CLDN16: variants seen among roughly 807,000 people sequenced by gnomAD.
CLDN16 encodes claudin 16.
In CLDN16, 13 loss-of-function variants were observed where a neutral mutation model predicts 24.6. That is an observed-to-expected ratio of 0.53 (90% confidence interval 0.34 to 0.84). The LOEUF (loss-of-function observed/expected upper bound fraction) is 0.84. Ranked by LOEUF, CLDN16 falls within the 40% of genes least tolerant of loss-of-function variation. The pLI, the probability that CLDN16 is intolerant of heterozygous loss-of-function variation, is 0.01. For missense variants in CLDN16, 298 were observed against 292.7 expected (o/e 1.02, Z -0.13); for synonymous variants, 116 against 106.7 (o/e 1.09, Z -0.54).
chr3:190,369,492 A>C (rs1718089608), intron 1 of CLDN16, among the ~76,000 whole-genome samples: 1 of 151,980 alleles, frequency 6.6e-6, no homozygotes, highest in African/African-American at 2.4e-5. Flanking sequence ...TCATTATAGA[A>C]TAGAAAATCT....
intron 1 of CLDN16, among the ~76,000 whole-genome samples, chr3:190,341,074 G>A (rs1222613919): frequency 6.6e-6 from 1 of 152,164 alleles, no homozygotes; most frequent in Non-Finnish European, 1.5e-5. Context: ...TCATGGGCTG[G>A]CATGACATTG....
chr3:190,358,671 A>AC (rs1717825783), intron 1 of CLDN16, among the ~76,000 whole-genome samples: 1 of 151,716 alleles, frequency 6.6e-6, no homozygotes, highest in Non-Finnish European at 1.5e-5. Context: ...AAAATTAAAA[A>AC]AAACAACAAG....
intron 3 of CLDN16, among the ~76,000 whole-genome samples, chr3:190,380,494 C>T (rs988598476): frequency 4.0e-5 from 6 of 151,794 alleles, no homozygotes; most frequent in African/African-American, 1.5e-4. Context: ...GCATTTTAGG[C>T]AGAAGAAATT....
chr3:190,308,200 GGTCCTAAT>G, the CLDN16 span: 1 of 1,536,364 alleles, frequency 6.5e-7, no homozygotes, highest in African/African-American at 1.4e-5. Flanking sequence ...AAAATTCTAA[GGTCCTAAT>G]GTTAATGATA....
At chr3:190,314,562 ATTT>A in the CLDN16 span, among the ~76,000 whole-genome samples, 4 of 143,762 alleles carry the variant, frequency 2.8e-5, no homozygotes, top group East Asian at 2.0e-4. Flanking sequence ...GCCTGGCTAA[ATTT>A]TTTTTTTTTT....
chr3:190,354,230 GT>G (rs1031742891), intron 1 of CLDN16, among the ~76,000 whole-genome samples: 3 of 151,946 alleles, frequency 2.0e-5, no homozygotes, highest in African/African-American at 4.8e-5. Context: ...ACACTCAGAG[GT>G]TTCAGGAATA....
intron 2 of CLDN16, among the ~76,000 whole-genome samples, chr3:190,402,869 G>A (rs1389651722): frequency 6.6e-6 from 1 of 152,136 alleles, no homozygotes; most frequent in Non-Finnish European, 1.5e-5. Context: ...TATTTCAGTT[G>A]AAGGTTAGCT....
At chr3:190,404,134 T>C (rs140632375) in intron 2 of CLDN16, among the ~76,000 whole-genome samples, 16 of 152,240 alleles carry the variant, frequency 1.1e-4, no homozygotes, top group Middle Eastern at 3.4e-3. Flanking sequence ...ATATGTAATA[T>C]TGGCCAAGAA....
chr3:190,371,041 A>ATATATATATATATATAT, intron 2 of CLDN16: 2 of 137,672 alleles, frequency 1.5e-5, no homozygotes, highest in Non-Finnish European at 3.1e-5. Flanking sequence ...TATATATATA[A>ATATATATATATATATAT]AATATATATG....
rs752386752 is a variant in CLDN16, at chr3:190,399,885, G to C, written c.115-2452G>C. Reference sequence around the variant, plus strand: ...GTGGACAGAAGCTCCACCTTCTGTCGGATCAGCGGCAGTATTCGATTCTCA... The same window carrying C: ...GTGGACAGAAGCTCCACCTTCTGTCCGATCAGCGGCAGTATTCGATTCTCA... On this transcript the variant is annotated intron_variant, in intron 1 of 4. Coordinates refer to ENST00000264734, the MANE Select transcript of CLDN16 (RefSeq NM_006580.4). 3.9e-5 allele frequency among the ~76,000 whole-genome samples: 6 copies of C among 152,174 alleles called. No individual in the cohort carries two copies. The East Asian group carries it at 9.7e-4, about 25-fold the overall frequency.
At chr3:190,325,589 A>G (rs2108619516) in intron 1 of CLDN16, among the ~76,000 whole-genome samples, 1 of 152,310 alleles carries the variant, frequency 6.6e-6, no homozygotes, top group South Asian at 2.1e-4. Flanking sequence ...TGATCTTGAG[A>G]ACCAATAATA....
chr3:190,304,847 C>G, the CLDN16 span, among the ~76,000 whole-genome samples: 123 of 152,116 alleles, frequency 8.1e-4, no homozygotes, highest in Non-Finnish European at 1.3e-3. Context: ...TTGATCTGGG[C>G]AAATATAGAA....
At chr3:190,315,691 C>T in the CLDN16 span, among the ~76,000 whole-genome samples, 4 of 152,024 alleles carry the variant, frequency 2.6e-5, no homozygotes, top group Non-Finnish European at 5.9e-5. Flanking sequence ...GATCTTGCTC[C>T]AAGTTTTTCT....
intron 1 of CLDN16, among the ~76,000 whole-genome samples, chr3:190,330,752 G>A (rs867004208): frequency 6.6e-6 from 1 of 152,106 alleles, no homozygotes; most frequent in Non-Finnish European, 1.5e-5. Flanking sequence ...GCCTTATTGT[G>A]TCATAAGATG....
chr3:190,338,024 T>C (rs1421091871), intron 1 of CLDN16, among the ~76,000 whole-genome samples: 1 of 152,188 alleles, frequency 6.6e-6, no homozygotes, highest in African/African-American at 2.4e-5. Context: ...TTCAGAAAGA[T>C]GTACATTCAT....
At chr3:190,308,860 G>A in the CLDN16 span, among the ~76,000 whole-genome samples, 147 of 152,240 alleles carry the variant, frequency 9.7e-4, no homozygotes, top group African/African-American at 3.4e-3. Flanking sequence ...TCAGAGCTTT[G>A]AACAGATGAT....
At chr3:190,402,021 A>G (rs1718975167) in intron 1 of CLDN16, among the ~76,000 whole-genome samples, 1 of 152,148 alleles carries the variant, frequency 6.6e-6, no homozygotes, top group African/African-American at 2.4e-5. Flanking sequence ...TTCCATAACC[A>G]TAACTCAATG....
At chr3:190,312,836 G>T in the CLDN16 span, 2 of 1,609,004 alleles carry the variant, frequency 1.2e-6, no homozygotes, top group South Asian at 1.1e-5. Flanking sequence ...CCAGGAACAG[G>T]TTAGTAAGGT....
the CLDN16 span, among the ~76,000 whole-genome samples, chr3:190,316,154 C>A: frequency 6.6e-6 from 1 of 152,048 alleles, no homozygotes; most frequent in Non-Finnish European, 1.5e-5. Context: ...TTGCATAATA[C>A]ACAAAAAGTA....
Sources: gnomAD v4.1 joint callset for allele counts (sites outside exome capture counted in the v4.1 genomes callset) on GRCh38, gnomAD v4.1.1 for gene constraint, MANE v1.5 for transcripts, NCBI Gene and HGNC (gene_info 2026-07-23, HGNC 2026-07-21) for gene names.